Variants in PLEC observed in about 807,000 individuals in gnomAD.
The protein encoded by PLEC is hemidesmosomal protein 1.
Under a neutral mutation model 392.8 loss-of-function variants are expected in PLEC, and 216 were observed. The ratio of observed to expected loss-of-function variants is 0.55; its 90% confidence interval spans 0.49 to 0.62. The LOEUF is 0.62. Ranked by LOEUF, PLEC falls within the 20% of genes least tolerant of loss-of-function variation. The pLI, the probability that PLEC is intolerant of heterozygous loss-of-function variation, is 0.00. For missense variants in PLEC, 6,863 were observed against 6,563.4 expected (o/e 1.05, Z -1.58); for synonymous variants, 3,621 against 2,980.6 (o/e 1.21, Z -7.00).
intron 11 of PLEC, 69 bp downstream of exon 11, chr8:143,934,249 G>A (rs1016184363): frequency 6.2e-7 from 1 of 1,602,888 alleles, no homozygotes; most frequent in Non-Finnish European, 8.5e-7. Context: ...GGGGCGGGGA[G>A]GGGGGTTTCC....
chr8:143,945,763 G>C (rs1189653549), intron 1 of PLEC, among the ~76,000 whole-genome samples: 2 of 152,156 alleles, frequency 1.3e-5, no homozygotes, highest in Non-Finnish European at 2.9e-5. Flanking sequence ...CACTGGGCAG[G>C]CCACCCAGGT....
rs1433920217 is a variant in PLEC at position 143,916,349 on chromosome 8, G to A, written c.13472C>T (p.Thr4491Ile). 3 of 1,605,562 alleles carry A rather than the reference G, an allele frequency of 1.9e-6. No homozygotes were observed. The African/African-American group carries it at 4.0e-5, about 21-fold the overall frequency. ...GGCCCGGGAGCCGGTGCGCGAGCCG[G>A]TGCGGGAGCCAGCGGTAGAGCCGGA... ...SGSGSTAGSR[T>I]GSRTGSRAGS... Residue 4491 changes from threonine (T) to isoleucine (I), a missense_variant, in exon 32 of 32, where the codon ACC (threonine) becomes ATC (isoleucine). By Grantham distance (89) the Thr-to-Ile change is moderately conservative (BLOSUM62 -1). Coordinates refer to ENST00000345136, the MANE Select transcript of PLEC (RefSeq NM_201384.3).
rs1554716518 is a variant in PLEC, at chr8:143,932,196, G to C, written c.2016C>G (p.Ile672Met). The change falls in exon 17 of 32, where the codon ATC becomes ATG. Residue 672 changes from isoleucine (I) to methionine (M), a missense_variant. Coordinates refer to ENST00000345136, the MANE Select transcript of PLEC (RefSeq NM_201384.3). ...MRELELKEKKIKELQNAGDRL... is the reference protein window; with the variant it reads ...MRELELKEKKMKELQNAGDRL... ...GGTCCCCAGCATTTTGGAGCTCCTT[G>C]ATCTTCTTCTCCTTCAGCTCCAGCT... The C allele has an allele frequency of 6.2e-7, 1 of 1,612,368 alleles. No individual in the cohort carries two copies. The highest frequency in any genetic ancestry group is 8.5e-7 in the Non-Finnish European group (1 of 1,179,886).
rs1470185171 is a variant in PLEC, at chr8:143,924,624, C to T, written c.5305G>A (p.Ala1769Thr). Reference protein sequence around the residue: ...KVRAEMEVLLASKARAEEESR... With the variant: ...KVRAEMEVLLTSKARAEEESR... The stretch of plus-strand genomic sequence containing the variant: ...TCCTCCTCAGCCCTCGCCTTGCTGG[C>T]CAGCAGCACCTCCATCTCGGCCCGC... Residue 1769 changes from alanine (A) to threonine (T), a missense_variant, in exon 31 of 32, where the codon GCC (alanine) becomes ACC (threonine). Transcript: ENST00000345136. 6.5e-7 allele frequency: 1 copy of T among 1,539,972 alleles called. No homozygotes were observed.
chr8:143,943,678 G>T, upstream of PLEC: 1 of 1,131,924 alleles, frequency 8.8e-7, no homozygotes, highest in Non-Finnish European at 1.3e-6. Context: ...CTGACATTCA[G>T]CTTGGAAACA....
intron 25 of PLEC, 126 bp from the exon 26 acceptor site, chr8:143,928,118 T>G (rs1825902771): frequency 8.5e-7 from 1 of 1,170,232 alleles, no homozygotes; most frequent in Non-Finnish European, 1.2e-6. Context: ...GGGGGTCAGC[T>G]GACCCTGTGG....
rs547807861 is a variant in PLEC at position 143,923,057 on chromosome 8, G to A, written c.6872C>T (p.Ala2291Val). The A allele has an allele frequency of 2.9e-5, 47 of 1,610,002 alleles. No individual in the cohort carries two copies. The highest frequency in any genetic ancestry group is 4.5e-5 in the East Asian group (2 of 44,806). The change falls in exon 31 of 32, where the codon GCG (alanine) becomes GTG (valine). Residue 2291 changes from alanine to valine, a missense_variant. Physicochemically the swap from Ala to Val is moderately conservative, Grantham distance 64 (BLOSUM62 0). Transcript: ENST00000345136. ...ARLSVAAQEAARLRQLAEEDL... is the reference protein window; with the variant it reads ...ARLSVAAQEAVRLRQLAEEDL... ...CTCCTCTGCCAGCTGCCGCAGTCGC[G>A]CAGCCTCTTGGGCCGCCACACTCAG...
At chr8:143,939,258 C>A in intron 1 of PLEC, 92 bp downstream of exon 1, 1 of 1,499,422 alleles carries the variant, frequency 6.7e-7, no homozygotes, top group South Asian at 1.2e-5. Context: ...AGCCCCCCAG[C>A]GGTGCCAAGG....
chr8:143,938,149 A>ACC lies in PLEC; in HGVS notation c.264_264+1dup, dbSNP rs1554725028. The ACC allele has an allele frequency of 6.2e-7, 1 of 1,600,438 alleles. No individual in the cohort carries two copies. The highest frequency in any genetic ancestry group is 8.5e-7 in the Non-Finnish European group (1 of 1,175,684). ...GCCCGGAGGGGGCAGGGGCACACGT[A>ACC]CCAGGCTGTCCCCCGAGAGGACCTC... On this transcript the variant is annotated splice_donor_variant, in intron 3 of 31. Transcript: ENST00000345136. LOFTEE classifies it high-confidence loss of function.
At chr8:143,970,732 C>T (rs1833383825) in intron 1 of PLEC, among the ~76,000 whole-genome samples, 1 of 152,210 alleles carries the variant, frequency 6.6e-6, no homozygotes, top group South Asian at 2.1e-4. Context: ...ACAACTCTCT[C>T]CTAGAACTGT....
chr8:143,942,211 G>T (rs1458584677), upstream of PLEC, among the ~76,000 whole-genome samples: 1 of 151,952 alleles, frequency 6.6e-6, no homozygotes, highest in African/African-American at 2.4e-5. Flanking sequence ...ACAAATGGGG[G>T]TAGGGGAACA....
Position 143,944,670 on chromosome 8 carries a change from C to T in PLEC, c.523+5514G>A, listed in dbSNP as rs908347275. 3.7e-5 allele frequency: 50 copies of T among 1,336,680 alleles called. No homozygotes were observed. Among genetic ancestry groups the T allele is most frequent in the Non-Finnish European group, 4.4e-5 (46 of 1,034,366 alleles). 82.8% of individuals were successfully genotyped at this position (1,336,680 alleles called of 1,614,324 possible). A position where few individuals can be genotyped will look rare whatever the true frequency, so the allele number is the denominator to read the frequency against. On this transcript the variant is annotated intron_variant, in intron 1 of 31. Coordinates refer to the PLEC transcript ENST00000322810. ...TACCGGGCACGATCTTCATCGGGGA[C>T]GGTGGCAGGAGCCCACGGGGCAGAC...
chr8:143,921,898 C>A lies in PLEC; in HGVS notation c.7923G>T (p.Glu2641Asp), dbSNP rs1554687565. ...GCAGGCCATCGAAGCTGTGCTCCGG[C>A]TCTGCCTCTGCCGCGGGGCCATCAA... is the stretch of plus-strand genomic sequence containing the variant. The part of the protein sequence containing the change: ...DALDGPAAEA[E>D]PEHSFDGLRR... Residue 2641 changes from glutamate to aspartate, a missense_variant, in exon 32 of 32, where the codon GAG becomes GAT. By Grantham distance (45) the Glu-to-Asp change is conservative (BLOSUM62 2). Coordinates refer to ENST00000345136, the MANE Select transcript of PLEC (RefSeq NM_201384.3). 2.5e-6 allele frequency: 4 copies of A among 1,600,292 alleles called. No individual in the cohort carries two copies. The highest frequency in any genetic ancestry group is 1.1e-5 in the South Asian group (1 of 91,016).
chr8:143,930,250 G>C lies in PLEC; in HGVS notation c.2506C>G (p.Pro836Ala), dbSNP rs1212622373. ...CTGCTGAGCACCTTCCAGTGGGACG[G>C]CTGTGCAGGGCCCACCAGCTGGCAC... ...DECQLVGPAQ[P>A]SHWKVLSSSG... Residue 836 changes from proline to alanine, a missense_variant, in exon 21 of 32, where the codon CCG becomes GCG. Coordinates refer to ENST00000345136, the MANE Select transcript of PLEC (RefSeq NM_201384.3). 1.3e-6 allele frequency: 2 copies of C among 1,599,444 alleles called. No homozygotes were observed. The highest frequency in any genetic ancestry group is 2.7e-5 in the African/African-American group (2 of 74,846).
upstream of PLEC, chr8:143,942,611 C>T (rs976779559): frequency 7.2e-7 from 1 of 1,390,452 alleles, no homozygotes. Flanking sequence ...GCGAGGCTGC[C>T]GGCTTCGCTC....
At position 143,918,776 on chromosome 8, in the gene PLEC, G is replaced by A. The variant is rs1586787426; in HGVS notation, c.11045C>T (p.Ala3682Val). 6.2e-7 allele frequency: 1 copy of A among 1,613,126 alleles called. No individual in the cohort carries two copies. The highest frequency in any genetic ancestry group is 2.2e-5 in the East Asian group (1 of 44,870). The change falls in exon 32 of 32, where the codon GCC becomes GTC. Residue 3682 changes from alanine (A) to valine (V), a missense_variant. Coordinates refer to ENST00000345136, the MANE Select transcript of PLEC (RefSeq NM_201384.3). ...SLREALEAES[A>V]WCYLYGTGSV... ...GCCCGTGCCATAGAGGTAGCACCAG[G>A]CGGACTCCGCCTCGAGAGCCTCACG...
At chr8:143,933,500 C>G in intron 12 of PLEC, 149 bp from the exon 13 acceptor site, 1 of 943,184 alleles carries the variant, frequency 1.1e-6, no homozygotes, top group Non-Finnish European at 1.7e-6. Context: ...CCCTGCCCAC[C>G]TCACACATCT....
In PLEC at chr8:143,917,674, C is replaced by T. The variant is rs376460999; in HGVS notation, c.12147G>A (p.Thr4049=). ...TCTCCTCAGGGTCGATGATGCCGCCCGTGGCGATCTGGGCCTCCAGCAGGC... is the reference window on the plus strand; with the variant it reads ...TCTCCTCAGGGTCGATGATGCCGCCTGTGGCGATCTGGGCCTCCAGCAGGC... ...GIRLLEAQIA[T]GGIIDPEESH... Residue 4049 remains threonine (T), a synonymous_variant, in exon 32 of 32, where the codon ACG becomes ACA. Transcript: ENST00000345136. 6.0e-5 allele frequency: 97 copies of T among 1,613,506 alleles called. 1 individual carries two copies. Among genetic ancestry groups the T allele is most frequent in the Middle Eastern group, 1.6e-4 (1 of 6,084 alleles).
chr8:143,957,097 G>A (rs11777239), upstream of PLEC, among the ~76,000 whole-genome samples: 68,136 of 151,952 alleles, frequency 0.45, 16,604 homozygotes, highest in African/African-American at 0.64. Flanking sequence ...GGCTACAGCC[G>A]GGGATTTCAA....
Sources: allele counts gnomAD v4.1 joint callset (sites outside exome capture counted in the v4.1 genomes callset), GRCh38; gene constraint gnomAD v4.1.1; transcripts MANE v1.5; gene names NCBI Gene and HGNC (gene_info 2026-07-23, HGNC 2026-07-21).